The following CDH2 variants were observed in gnomAD, a reference collection of about 807,000 sequenced individuals.
The protein encoded by CDH2 is cadherin-2.
In CDH2, 17 loss-of-function variants were observed where a neutral mutation model predicts 92.0. The ratio of observed to expected loss-of-function variants is 0.18; its 90% confidence interval spans 0.13 to 0.28. CDH2 has a LOEUF of 0.28. CDH2 is among the 10% of genes least tolerant of loss of function. The pLI, the probability that CDH2 is intolerant of heterozygous loss-of-function variation, is 1.00. For missense variants in CDH2, 862 were observed against 1,133.1 expected, an observed-to-expected ratio of 0.76 and a Z score of 3.44; for synonymous variants, 419 against 415.9, an observed-to-expected ratio of 1.01 and a Z score of -0.09.
intron 6 of CDH2, among the ~76,000 whole-genome samples, chr18:27,945,904 T>C (rs1360371090): frequency 6.6e-6 from 1 of 152,178 alleles, no homozygotes; most frequent in African/African-American, 2.4e-5. Context: ...AAGGAAAAAT[T>C]ATTCAAGTTA....
At chr18:28,155,494 C>CA (rs1470728496) in intron 1 of CDH2, among the ~76,000 whole-genome samples, 2 of 151,992 alleles carry the variant, frequency 1.3e-5, no homozygotes, top group East Asian at 1.9e-4. Context: ...ATCAAGCCTG[C>CA]AAAAAAACGG....
intron 7 of CDH2, among the ~76,000 whole-genome samples, chr18:27,999,559 A>G (rs2012696637): frequency 6.6e-6 from 1 of 152,104 alleles, no homozygotes; most frequent in African/African-American, 2.4e-5. Context: ...CTCAACCAGG[A>G]GATGCTGCTG....
Position 27,985,184 on chromosome 18 carries a change from G to C in CDH2, c.2025C>G (p.Ile675Met). The change falls in exon 13 of 16, where the codon ATC (isoleucine) becomes ATG (methionine). Residue 675 changes from isoleucine to methionine, a missense_variant. Physicochemically the swap from Ile to Met is conservative, Grantham distance 10. Transcript: ENST00000269141. ...CTGTGATTATGATGGGAACTTCATA[G>C]ATACCAGCTTCAAGAAATTTTATCT... ...NLKIKFLEAG[I>M]YEVPIIITDS... The C allele has an allele frequency of 6.2e-7, 1 of 1,612,530 alleles. No homozygotes were observed.
chr18:28,053,666 C>T (rs991576880), intron 2 of CDH2, among the ~76,000 whole-genome samples: 10 of 152,106 alleles, frequency 6.6e-5, no homozygotes, highest in African/African-American at 1.9e-4. Context: ...GGCTGCAGCC[C>T]CAGAGTTCGT....
Position 27,994,231 on chromosome 18 carries a change from C to T in CDH2, c.1021-594G>A, listed in dbSNP as rs376641240. Among the ~76,000 whole-genome samples, 54 of 152,242 alleles carry T rather than the reference C, an allele frequency of 3.5e-4. No individual in the cohort carries two copies. The South Asian group carries it at 0.01, about 29-fold the overall frequency. ...AACAAAGTCAAAACTTGAAGGGTTT[C>T]CGTTTATTTCCATAGTCTTCTAACA... is the stretch of plus-strand genomic sequence containing the variant. On this transcript the variant is annotated intron_variant, in intron 7 of 15. Coordinates refer to ENST00000269141, the MANE Select transcript of CDH2 (RefSeq NM_001792.5).
intron 14 of CDH2, among the ~76,000 whole-genome samples, chr18:27,979,458 C>T (rs1050281115): frequency 6.6e-6 from 1 of 152,200 alleles, no homozygotes; most frequent in Non-Finnish European, 1.5e-5. Flanking sequence ...TATGCACACT[C>T]TGTGGCTCAG....
At position 28,013,766 on chromosome 18, in the gene CDH2, C is replaced by T. The variant is rs1469377111; in HGVS notation, c.316G>A (p.Ala106Thr). The part of the protein sequence containing the change: ...SSEHAKFLIY[A>T]QDKETQEKWQ... The stretch of plus-strand genomic sequence containing the variant: ...TTTTCCTGGGTCTCTTTGTCTTGGG[C>T]ATATATCAGGAACTTGGCATGCTCA... Residue 106 changes from alanine to threonine, a missense_variant, in exon 3 of 16, where the codon GCC becomes ACC. Coordinates refer to ENST00000269141, the MANE Select transcript of CDH2 (RefSeq NM_001792.5). 1 of 1,613,998 alleles carries T rather than the reference C, an allele frequency of 6.2e-7. No individual in the cohort carries two copies. Among genetic ancestry groups the T allele is most frequent in the Non-Finnish European group, 8.5e-7 (1 of 1,179,962 alleles).
intron 1 of CDH2, among the ~76,000 whole-genome samples, chr18:28,169,924 C>G (rs2191636): frequency 0.28 from 42,712 of 152,086 alleles, 6,962 homozygotes; most frequent in African/African-American, 0.45. Flanking sequence ...TCCAGTTCCA[C>G]ATACTAGTAA....
intron 5 of CDH2, among the ~76,000 whole-genome samples, chr18:28,009,072 G>T (rs1005128491): frequency 1.3e-5 from 2 of 152,156 alleles, no homozygotes; most frequent in Non-Finnish European, 2.9e-5. Flanking sequence ...GAGTAAAACT[G>T]GGGAGACTGG....
chr18:28,085,814 A>C (rs541424650), intron 2 of CDH2, among the ~76,000 whole-genome samples: 1 of 152,276 alleles, frequency 6.6e-6, no homozygotes, highest in Non-Finnish European at 1.5e-5. Flanking sequence ...CTTAGTAAGT[A>C]CTTAATGTGC....
chr18:28,052,982 C>T (rs945753338), intron 2 of CDH2, among the ~76,000 whole-genome samples: 4 of 152,000 alleles, frequency 2.6e-5, no homozygotes, highest in Non-Finnish European at 4.4e-5. Context: ...ATCCAATATG[C>T]CTGGTGTCCA....
intron 2 of CDH2, among the ~76,000 whole-genome samples, chr18:28,134,267 A>G (rs556103321): frequency 6.6e-6 from 1 of 152,222 alleles, no homozygotes; most frequent in South Asian, 2.1e-4. Flanking sequence ...AAAAAGAAAA[A>G]AAGAATTTAT....
intron 7 of CDH2, among the ~76,000 whole-genome samples, chr18:27,996,278 G>A (rs1858555582): frequency 6.6e-6 from 1 of 152,112 alleles, no homozygotes; most frequent in African/African-American, 2.4e-5. Flanking sequence ...ATGTTACACA[G>A]AGTGAACATT....
At chr18:28,120,052 C>T (rs1028944511) in intron 2 of CDH2, among the ~76,000 whole-genome samples, 12 of 152,148 alleles carry the variant, frequency 7.9e-5, no homozygotes, top group South Asian at 2.1e-4. Flanking sequence ...GAGAAATAAA[C>T]GTCTTCCTTG....
At chr18:28,111,569 G>C (rs193062179) in intron 2 of CDH2, among the ~76,000 whole-genome samples, 1 of 152,166 alleles carries the variant, frequency 6.6e-6, no homozygotes, top group East Asian at 1.9e-4. Flanking sequence ...GCAGGTGCCG[G>C]CTCTCTGAAA....
At chr18:28,154,907 C>A (rs1323781961) in intron 1 of CDH2, among the ~76,000 whole-genome samples, 1 of 152,194 alleles carries the variant, frequency 6.6e-6, no homozygotes, top group Non-Finnish European at 1.5e-5. Context: ...GCTCTGAAGA[C>A]TGCCTAACCA....
At chr18:27,989,721 CTTCATGA>C (rs1330625731) in intron 10 of CDH2, among the ~76,000 whole-genome samples, 2 of 152,078 alleles carry the variant, frequency 1.3e-5, no homozygotes, top group African/African-American at 4.8e-5. Context: ...GCTTTCTTTC[CTTCATGA>C]TGCATGGAGG....
At chr18:28,094,725 C>T (rs1159766520) in intron 2 of CDH2, among the ~76,000 whole-genome samples, 2 of 139,256 alleles carry the variant, frequency 1.4e-5, no homozygotes, top group South Asian at 2.3e-4. Flanking sequence ...ACCCGGGAAG[C>T]GGAGCTTGCA....
At chr18:27,935,666 A>G (rs994910623) in intron 6 of CDH2, among the ~76,000 whole-genome samples, 2 of 151,288 alleles carry the variant, frequency 1.3e-5, no homozygotes, top group Non-Finnish European at 3.0e-5. Flanking sequence ...ACTTATCTCT[A>G]CATTAGACCA....
Sources: allele counts gnomAD v4.1 joint callset (sites outside exome capture counted in the v4.1 genomes callset), GRCh38; gene constraint gnomAD v4.1.1; transcripts MANE v1.5; gene names NCBI Gene and HGNC (gene_info 2026-07-23, HGNC 2026-07-21).